CTNNA3: variants seen among roughly 807,000 people sequenced by gnomAD.
CTNNA3 encodes catenin alpha-3.
In CTNNA3, 76 loss-of-function variants were observed where a neutral mutation model predicts 95.7. The ratio of observed to expected loss-of-function variants is 0.79; its 90% confidence interval spans 0.66 to 0.96. The LOEUF is 0.96. Ranked by LOEUF, CTNNA3 falls within the 40% of genes least tolerant of loss-of-function variation. CTNNA3 has a pLI of 0.00. For synonymous variants in CTNNA3, 431 were observed against 374.4 expected (o/e 1.15, Z -1.74); for missense variants, 1,191 against 1,089.8 (o/e 1.09, Z -1.31).
intron 5 of CTNNA3, among the ~76,000 whole-genome samples, chr10:67,490,336 G>A (rs946662381): frequency 6.6e-6 from 1 of 152,006 alleles, no homozygotes; most frequent in Admixed American, 6.6e-5. Context: ...ATTTATGATC[G>A]AATTCTGGAT....
chr10:66,294,333 G>A (rs181608256), intron 12 of CTNNA3, among the ~76,000 whole-genome samples: 1 of 152,168 alleles, frequency 6.6e-6, no homozygotes, highest in Non-Finnish European at 1.5e-5. Context: ...TGGGTAGAGA[G>A]AGAAGAAGGA....
chr10:66,007,548 T>G (rs941833500), intron 15 of CTNNA3, among the ~76,000 whole-genome samples: 1 of 152,176 alleles, frequency 6.6e-6, no homozygotes, highest in African/African-American at 2.4e-5. Flanking sequence ...CTCCTTCTCA[T>G]GTGGATGTGT....
intron 14 of CTNNA3, among the ~76,000 whole-genome samples, chr10:66,083,636 C>T (rs1454535315): frequency 6.6e-6 from 1 of 152,158 alleles, no homozygotes; most frequent in Non-Finnish European, 1.5e-5. Context: ...AAAGAGGCAA[C>T]TAAGGTCTGG....
intron 11 of CTNNA3, among the ~76,000 whole-genome samples, chr10:66,426,827 C>T (rs530482902): frequency 6.6e-6 from 1 of 151,652 alleles, no homozygotes; most frequent in East Asian, 1.9e-4. Context: ...AAAAAAAATG[C>T]TTATTCTTTG....
At chr10:66,325,199 C>T (rs2092239719) in intron 12 of CTNNA3, among the ~76,000 whole-genome samples, 1 of 151,990 alleles carries the variant, frequency 6.6e-6, no homozygotes, top group African/African-American at 2.4e-5. Flanking sequence ...TGACTGTAGT[C>T]CCTCAGCTAC....
chr10:66,331,268 T>G (rs1589098991), intron 12 of CTNNA3, among the ~76,000 whole-genome samples: 1 of 151,570 alleles, frequency 6.6e-6, no homozygotes, highest in Non-Finnish European at 1.5e-5. Flanking sequence ...GGGATCCAGT[T>G]TTAGCTTTCT....
chr10:67,450,662 G>GA (rs1393390858), intron 5 of CTNNA3, among the ~76,000 whole-genome samples: 1 of 151,926 alleles, frequency 6.6e-6, no homozygotes, highest in African/African-American at 2.4e-5. Context: ...GAGAGAATCA[G>GA]AAAAAATAAC....
intron 7 of CTNNA3, among the ~76,000 whole-genome samples, chr10:67,010,811 C>T (rs117006411): frequency 0.024 from 3,684 of 152,250 alleles, 68 homozygotes; most frequent in Non-Finnish European, 0.031. Flanking sequence ...TATTTGTATG[C>T]CCAGTTCTCA....
At chr10:66,470,761 C>T (rs1413291567) in intron 11 of CTNNA3, among the ~76,000 whole-genome samples, 7 of 151,702 alleles carry the variant, frequency 4.6e-5, no homozygotes, top group Admixed American at 2.6e-4. Context: ...ACTAGTCAGC[C>T]GTGTCGATGT....
At chr10:66,938,277 G>A (rs1232027975) in intron 7 of CTNNA3, among the ~76,000 whole-genome samples, 1 of 152,014 alleles carries the variant, frequency 6.6e-6, no homozygotes, top group African/African-American at 2.4e-5. Context: ...TGAGGGTCAA[G>A]AGAACAAACC....
At chr10:66,810,903 G>T (rs1377018957) in intron 7 of CTNNA3, among the ~76,000 whole-genome samples, 1 of 152,018 alleles carries the variant, frequency 6.6e-6, no homozygotes, top group Non-Finnish European at 1.5e-5. Flanking sequence ...GTTACTCTTA[G>T]ACTGTTATAT....
chr10:66,127,805 G>A (rs1450845347), intron 13 of CTNNA3, among the ~76,000 whole-genome samples: 6 of 152,156 alleles, frequency 3.9e-5, no homozygotes, highest in Non-Finnish European at 8.8e-5. Context: ...TGTAAAACTA[G>A]AACTGTTTTG....
chr10:66,916,537 T>C (rs1333711841), intron 7 of CTNNA3, among the ~76,000 whole-genome samples: 1 of 152,218 alleles, frequency 6.6e-6, no homozygotes, highest in Non-Finnish European at 1.5e-5. Flanking sequence ...TTCTCTGTGC[T>C]TCCTTAATAC....
chr10:66,039,143 C>T (rs781194921), intron 15 of CTNNA3, among the ~76,000 whole-genome samples: 1 of 152,122 alleles, frequency 6.6e-6, no homozygotes, highest in Non-Finnish European at 1.5e-5. Context: ...ATCTCATTCA[C>T]AATTGCCACA....
chr10:66,913,209 G>A lies in CTNNA3; in HGVS notation c.1048-137685C>T, dbSNP rs1227308194. ...AGCCGAGATCGCGCCACTGCAGTCC[G>A]GCCTGGGCGAAAGAGCGAGACTCCG... On this transcript the variant is annotated intron_variant, in intron 7 of 17. Transcript: ENST00000433211. Among the ~76,000 whole-genome samples the A allele has an allele frequency of 9.5e-5, 12 of 125,700 alleles. 1 individual carries two copies. Among genetic ancestry groups the A allele is most frequent in the African/African-American group, 3.0e-4 (10 of 33,322 alleles). 82.5% of individuals were successfully genotyped at this position (125,700 alleles called of 152,430 possible).
intron 7 of CTNNA3, among the ~76,000 whole-genome samples, chr10:66,809,509 A>C (rs1263427498): frequency 6.6e-6 from 1 of 151,904 alleles, no homozygotes; most frequent in Admixed American, 6.6e-5. Context: ...CTTTTAACAG[A>C]TTTGAATTGT....
intron 7 of CTNNA3, among the ~76,000 whole-genome samples, chr10:66,838,079 A>G (rs907171304): frequency 6.6e-6 from 1 of 152,134 alleles, no homozygotes; most frequent in East Asian, 1.9e-4. Flanking sequence ...AAAAGAAACT[A>G]TCAAGCAAAT....
intron 13 of CTNNA3, among the ~76,000 whole-genome samples, chr10:66,264,886 G>A (rs1471595270): frequency 1.3e-5 from 2 of 151,942 alleles, no homozygotes; most frequent in African/African-American, 4.8e-5. Context: ...AGACCTTCCT[G>A]CTCCTGTGTT....
chr10:66,719,816 T>C (rs1272385937), intron 9 of CTNNA3, among the ~76,000 whole-genome samples: 1 of 152,124 alleles, frequency 6.6e-6, no homozygotes, highest in African/African-American at 2.4e-5. Context: ...AGGGGAGATA[T>C]GTTTTTTGGC....
Sources: allele counts gnomAD v4.1 joint callset (sites outside exome capture counted in the v4.1 genomes callset), GRCh38; gene constraint gnomAD v4.1.1; transcripts MANE v1.5; gene names NCBI Gene and HGNC (gene_info 2026-07-23, HGNC 2026-07-21).